Variants in RNF216 observed in about 807,000 individuals in gnomAD.
RNF216 encodes ring finger protein 216.
Under a neutral mutation model 110.8 loss-of-function variants are expected in RNF216, and 72 were observed. The ratio of observed to expected loss-of-function variants is 0.65; its 90% CI spans 0.54 to 0.79. RNF216 has a LOEUF of 0.79. Ranked by LOEUF, RNF216 falls within the 30% of genes least tolerant of loss-of-function variation. The probability of loss-of-function intolerance (pLI) is 0.00; values close to 1 mark genes in which losing one functional copy is unlikely to be tolerated. For missense variants in RNF216, 1,342 were observed against 1,141.2 expected (o/e 1.18, Z -2.54); for synonymous variants, 495 against 407.5 (o/e 1.21, Z -2.59).
chr7:5,772,039 G>C (rs1487603543), intron 1 of RNF216, among the ~76,000 whole-genome samples: 1 of 152,164 alleles, frequency 6.6e-6, no homozygotes, highest in Admixed American at 6.6e-5. Flanking sequence ...TTCGAGACCA[G>C]CCTGACCAAC....
At chr7:5,769,309 G>A (rs2128678360) in intron 1 of RNF216, among the ~76,000 whole-genome samples, 1 of 152,050 alleles carries the variant, frequency 6.6e-6, no homozygotes, top group Middle Eastern at 3.4e-3. Flanking sequence ...GTAGAGAAGG[G>A]GTTTCACCAT....
intron 15 of RNF216, among the ~76,000 whole-genome samples, chr7:5,626,139 G>A (rs1405565325): frequency 6.6e-6 from 1 of 152,226 alleles, no homozygotes; most frequent in Non-Finnish European, 1.5e-5. Context: ...TGAGGGAGCT[G>A]TCTCTCTCCA....
chr7:5,648,598 G>A lies in RNF216; in HGVS notation c.2159+3815C>T, dbSNP rs187637306. On this transcript the variant is annotated intron_variant, in intron 14 of 16. Transcript: ENST00000389902. Reference sequence around the variant, plus strand: ...AAAAAATTAGCCAGGCATGGTGGCGGGCACTCATAGTCCCAGCTACTCGGG... The same window carrying A: ...AAAAAATTAGCCAGGCATGGTGGCGAGCACTCATAGTCCCAGCTACTCGGG... Among the ~76,000 whole-genome samples the A allele has an allele frequency of 2.0e-5, 3 of 151,806 alleles. No individual in the cohort carries two copies. In the East Asian group the frequency reaches 5.9e-4, roughly 30 times the overall value.
intron 8 of RNF216, among the ~76,000 whole-genome samples, chr7:5,721,765 T>G (rs1391338714): frequency 6.6e-6 from 1 of 152,252 alleles, no homozygotes; most frequent in Non-Finnish European, 1.5e-5. Flanking sequence ...TTCAACCATT[T>G]TTATTTTCAA....
intron 14 of RNF216, among the ~76,000 whole-genome samples, chr7:5,646,351 G>C (rs573732143): frequency 5.9e-5 from 9 of 151,528 alleles, no homozygotes; most frequent in Non-Finnish European, 7.4e-5. Context: ...TCCAGACGGG[G>C]TGACAAGGCG....
At chr7:5,721,729 G>C (rs1584511149) in intron 8 of RNF216, among the ~76,000 whole-genome samples, 1 of 152,120 alleles carries the variant, frequency 6.6e-6, no homozygotes, top group Non-Finnish European at 1.5e-5. Context: ...TAGCCATTCT[G>C]GTGGGTGCAA....
At position 5,641,304 on chromosome 7, in the gene RNF216, G is replaced by C; in HGVS notation, c.2232C>G (p.Gly744=). The part of the protein sequence containing the change: ...KCGTGLIKSE[G]CNRMSCRCGA... ...CACAGCGGCAAGACATGCGGTTGCA[G>C]CCTTCAGATTTGATGAGGCCAGTCC... Residue 744 remains glycine (G), a synonymous_variant, in exon 15 of 17, where the codon GGC becomes GGG. Transcript: ENST00000389902. 1.9e-6 allele frequency: 3 copies of C among 1,614,150 alleles called. No individual in the cohort carries two copies. The highest frequency in any genetic ancestry group is 2.5e-6 in the Non-Finnish European group (3 of 1,180,020).
In RNF216 at chr7:5,620,276, G is replaced by C. The variant is rs187715839; in HGVS notation, c.*2584C>G. The C allele has an allele frequency of 7.2e-5, 11 of 152,310 alleles. No homozygotes were observed. Among genetic ancestry groups the C allele is most frequent in the Admixed American group, 2.0e-4 (3 of 15,302 alleles). 9.4% of individuals were successfully genotyped at this position (152,310 alleles called of 1,614,324 possible). ...TGCAAATACTAGATTCCTCTCTCCA[G>C]TTTTAAGGCAAGTAAGAGGGGGCTG... On this transcript the variant is annotated 3_prime_UTR_variant, in exon 17 of 17. Coordinates refer to ENST00000389902, the MANE Select transcript of RNF216 (RefSeq NM_207111.4).
intron 13 of RNF216, among the ~76,000 whole-genome samples, chr7:5,657,576 A>AT (rs1788826755): frequency 6.6e-6 from 1 of 152,062 alleles, no homozygotes; most frequent in Non-Finnish European, 1.5e-5. Flanking sequence ...TAAAAAAAAA[A>AT]AATAATAAAA....
chr7:5,692,429 GA>G (rs1044436420), intron 13 of RNF216, among the ~76,000 whole-genome samples: 1 of 152,226 alleles, frequency 6.6e-6, no homozygotes, highest in African/African-American at 2.4e-5. Context: ...TACTCTGTGG[GA>G]AAAGGCAGCA....
At chr7:5,736,311 G>A (rs541362628) in intron 5 of RNF216, among the ~76,000 whole-genome samples, 84 of 152,264 alleles carry the variant, frequency 5.5e-4, no homozygotes, top group African/African-American at 1.7e-3. Flanking sequence ...TGGTGGAGAT[G>A]GGGTTTCGCT....
rs148275656 is a variant in RNF216 at position 5,768,056 on chromosome 7, T to C, written c.-69-6918A>G. ...CAAACCATGACAGGATCAAGATGAT[T>C]TGCCGGTACTCTAATTTGCACACCT... is the stretch of plus-strand genomic sequence containing the variant. On this transcript the variant is annotated intron_variant, in intron 1 of 16. Transcript: ENST00000389902. 1.2e-3 allele frequency among the ~76,000 whole-genome samples: 181 copies of C among 152,170 alleles called. 1 individual carries two copies. Among genetic ancestry groups the C allele is most frequent in the Non-Finnish European group, 2.2e-3 (148 of 67,992 alleles).
chr7:5,711,468 A>G (rs1792684568), intron 13 of RNF216, among the ~76,000 whole-genome samples: 1 of 152,220 alleles, frequency 6.6e-6, no homozygotes. Context: ...ATGTTGACAC[A>G]GTGGAAGAAA....
chr7:5,671,737 G>C (rs1385258091), intron 13 of RNF216, among the ~76,000 whole-genome samples: 3 of 149,770 alleles, frequency 2.0e-5, no homozygotes, highest in African/African-American at 7.5e-5. Context: ...ACTGGAAGGC[G>C]GAGGTTGCAG....
At chr7:5,665,136 G>C (rs988625839) in intron 13 of RNF216, among the ~76,000 whole-genome samples, 14 of 152,162 alleles carry the variant, frequency 9.2e-5, no homozygotes. Flanking sequence ...TTCTAACAGT[G>C]TCTTGTAATG....
intron 13 of RNF216, among the ~76,000 whole-genome samples, chr7:5,695,610 T>G (rs951459337): frequency 6.6e-6 from 1 of 152,166 alleles, no homozygotes; most frequent in Non-Finnish European, 1.5e-5. Context: ...GAAAAATGAA[T>G]TGCTTGCTAG....
At chr7:5,645,112 G>T (rs182706583) in intron 14 of RNF216, among the ~76,000 whole-genome samples, 1 of 152,054 alleles carries the variant, frequency 6.6e-6, no homozygotes, top group Non-Finnish European at 1.5e-5. Flanking sequence ...ACCGTGCCCC[G>T]CCTGTTTGCC....
At chr7:5,677,464 AG>A (rs1328414825) in intron 13 of RNF216, among the ~76,000 whole-genome samples, 19 of 152,236 alleles carry the variant, frequency 1.2e-4, no homozygotes, top group Non-Finnish European at 2.2e-4. Context: ...GAAAACTAGA[AG>A]AAAAAATGAA....
chr7:5,699,951 G>A lies in RNF216; in HGVS notation c.2061+11810C>T, dbSNP rs558142012. Among the ~76,000 whole-genome samples, 11 of 152,326 alleles carry A rather than the reference G, an allele frequency of 7.2e-5. No homozygotes were observed. The South Asian group carries it at 1.5e-3, about 20-fold the overall frequency. ...CGTTCTCAGCTACCACATTGCAACT[G>A]GAATCTGACCTTGAATTCAAGGATA... On this transcript the variant is annotated intron_variant, in intron 13 of 16. Transcript: ENST00000389902.
Sources: gnomAD v4.1 joint callset for allele counts (sites outside exome capture counted in the v4.1 genomes callset) on GRCh38, gnomAD v4.1.1 for gene constraint, MANE v1.5 for transcripts, NCBI Gene and HGNC (gene_info 2026-07-23, HGNC 2026-07-21) for gene names.